MAGI2: variants seen among roughly 807,000 people sequenced by gnomAD.
MAGI2 encodes the protein membrane-associated guanylate kinase, WW and PDZ domain-containing protein 2.
Under a neutral mutation model 133.3 loss-of-function variants are expected in MAGI2, and 35 were observed. The ratio of observed to expected loss-of-function variants is 0.26; its 90% CI spans 0.20 to 0.35. The LOEUF (loss-of-function observed/expected upper bound fraction) is 0.35. Ranked by LOEUF, MAGI2 falls within the 10% of genes least tolerant of loss-of-function variation. MAGI2 has a pLI of 1.00. For synonymous variants in MAGI2, 729 were observed against 710.6 expected, an observed-to-expected ratio of 1.03 and a Z score of -0.41; for missense variants, 1,636 against 1,863.4, an observed-to-expected ratio of 0.88 and a Z score of 2.25.
intron 3 of MAGI2, among the ~76,000 whole-genome samples, chr7:78,534,355 T>C (rs1464082322): frequency 1.3e-5 from 2 of 152,246 alleles, no homozygotes; most frequent in African/African-American, 2.4e-5. Context: ...GAAATGCATG[T>C]GGTTTAACCA....
chr7:78,346,160 T>C (rs1790883543), intron 7 of MAGI2, 117 bp from the exon 8 acceptor site: 1 of 1,163,822 alleles, frequency 8.6e-7, no homozygotes, highest in African/African-American at 1.5e-5. Context: ...TACAGTCAAG[T>C]GCCTCACCCA....
rs373132866 is a variant in MAGI2, at chr7:78,440,762, G to A, written c.1045+48999C>T. 1.1e-3 allele frequency among the ~76,000 whole-genome samples: 167 copies of A among 151,626 alleles called. 4 individuals carry two copies. The South Asian group carries it at 0.034, about 31-fold the overall frequency. ...AGGTCAGGAGTTTGAGACCAGCCTG[G>A]CCAACATAGTGAAACCCCGCCTCTA... On this transcript the variant is annotated intron_variant, in intron 6 of 21. Transcript: ENST00000354212.
At chr7:78,699,254 C>T (rs184965869) in intron 2 of MAGI2, among the ~76,000 whole-genome samples, 1 of 152,258 alleles carries the variant, frequency 6.6e-6, no homozygotes, top group East Asian at 1.9e-4. Context: ...GGACTACATG[C>T]CACATGCTCA....
intron 1 of MAGI2, among the ~76,000 whole-genome samples, chr7:79,044,995 A>T (rs764205107): frequency 1.3e-5 from 2 of 152,240 alleles, no homozygotes; most frequent in African/African-American, 4.8e-5. Context: ...TGTTCTTAGC[A>T]ACCTAATTCA....
At chr7:78,725,192 G>A (rs988644522) in intron 2 of MAGI2, among the ~76,000 whole-genome samples, 67 of 152,270 alleles carry the variant, frequency 4.4e-4, no homozygotes, top group African/African-American at 1.3e-3. Flanking sequence ...TTTTTGAAGC[G>A]TTAACGCTTA....
Position 78,229,757 on chromosome 7 carries a change from C to A in MAGI2, c.2047+26186G>T, listed in dbSNP as rs576349829. On this transcript the variant is annotated intron_variant, in intron 10 of 21. Transcript: ENST00000354212. Reference sequence around the variant, plus strand: ...GGTCCTTGTGATCTATCTTACAAGACCTCCAACCCAAGTGGGAGACACCAA... The same window carrying A: ...GGTCCTTGTGATCTATCTTACAAGAACTCCAACCCAAGTGGGAGACACCAA... 3.3e-5 allele frequency among the ~76,000 whole-genome samples: 5 copies of A among 152,154 alleles called. No homozygotes were observed. In the East Asian group the frequency reaches 9.6e-4, roughly 29 times the overall value.
intron 11 of MAGI2, among the ~76,000 whole-genome samples, chr7:78,199,845 A>G (rs1022152018): frequency 2.0e-5 from 3 of 152,254 alleles, no homozygotes; most frequent in African/African-American, 7.2e-5. Flanking sequence ...CTGCAATTAT[A>G]CCAAATGACA....
chr7:78,707,444 T>G (rs574764789), intron 2 of MAGI2, among the ~76,000 whole-genome samples: 1 of 152,142 alleles, frequency 6.6e-6, no homozygotes, highest in Non-Finnish European at 1.5e-5. Flanking sequence ...CTCTAAAACA[T>G]TGCTAAGTTG....
chr7:79,225,012 C>A (rs781492561), intron 1 of MAGI2, among the ~76,000 whole-genome samples: 5 of 152,150 alleles, frequency 3.3e-5, no homozygotes, highest in African/African-American at 4.8e-5. Flanking sequence ...TATCTTATTT[C>A]ACTTTTGTCC....
At chr7:78,033,589 T>A (rs1584894866) in intron 21 of MAGI2, among the ~76,000 whole-genome samples, 1 of 152,240 alleles carries the variant, frequency 6.6e-6, no homozygotes, top group Middle Eastern at 3.4e-3. Context: ...GAACTCATGG[T>A]ACTATTTCAA....
In MAGI2 at chr7:79,194,206, A is replaced by G. The variant is rs185888647; in HGVS notation, c.302-187000T>C. Among the ~76,000 whole-genome samples, 353 of 152,092 alleles carry G rather than the reference A, an allele frequency of 2.3e-3. 3 individuals carry two copies. The highest frequency in any genetic ancestry group is 7.9e-3 in the African/African-American group (328 of 41,432). On this transcript the variant is annotated intron_variant, in intron 1 of 21. Transcript: ENST00000354212. ...TTCTGGTTTTACTGATTCATCGAAG[A>G]TTTATAAGAAAAGCTATAAAGGTAT...
At chr7:78,236,394 C>T (rs972210074) in intron 10 of MAGI2, among the ~76,000 whole-genome samples, 1 of 152,116 alleles carries the variant, frequency 6.6e-6, no homozygotes. Context: ...CATGCATCTT[C>T]CTGATTTTGT....
At chr7:78,491,644 G>C (rs73374262) in intron 5 of MAGI2, among the ~76,000 whole-genome samples, 1 of 152,104 alleles carries the variant, frequency 6.6e-6, no homozygotes, top group African/African-American at 2.4e-5. Flanking sequence ...TCATTATCAA[G>C]TTTTAGAAGG....
intron 1 of MAGI2, among the ~76,000 whole-genome samples, chr7:79,180,339 G>T (rs752631373): frequency 6.6e-6 from 1 of 152,036 alleles, no homozygotes; most frequent in Non-Finnish European, 1.5e-5. Context: ...AAAAGAAAGA[G>T]ATTTATTGGA....
intron 1 of MAGI2, among the ~76,000 whole-genome samples, chr7:79,137,386 C>A (rs895392712): frequency 6.6e-6 from 1 of 151,804 alleles, no homozygotes; most frequent in Non-Finnish European, 1.5e-5. Flanking sequence ...ATTCCACACC[C>A]TGGACTACCA....
intron 4 of MAGI2, among the ~76,000 whole-genome samples, chr7:78,517,318 T>G (rs1300357713): frequency 6.6e-6 from 1 of 152,090 alleles, no homozygotes; most frequent in Non-Finnish European, 1.5e-5. Context: ...TGGAATACAA[T>G]GTAGACTAAA....
intron 1 of MAGI2, among the ~76,000 whole-genome samples, chr7:79,041,530 G>T (rs1196278002): frequency 1.3e-5 from 2 of 152,050 alleles, no homozygotes; most frequent in African/African-American, 4.8e-5. Flanking sequence ...AGTTCATGTT[G>T]TTTTAGGAAA....
chr7:78,530,553 A>T (rs144802126), intron 3 of MAGI2, among the ~76,000 whole-genome samples: 1,661 of 152,224 alleles, frequency 0.011, 16 homozygotes, highest in Admixed American at 0.018. Context: ...AGACAGAGGG[A>T]TTGTTGACTC....
intron 16 of MAGI2, among the ~76,000 whole-genome samples, chr7:78,137,814 C>CA (rs1366642451): frequency 6.6e-6 from 1 of 152,148 alleles, no homozygotes; most frequent in African/African-American, 2.4e-5. Flanking sequence ...TAATCACCCA[C>CA]ATTGAGCCCT....
Sources: gnomAD v4.1 joint callset for allele counts (sites outside exome capture counted in the v4.1 genomes callset) on GRCh38, gnomAD v4.1.1 for gene constraint, MANE v1.5 for transcripts, NCBI Gene and HGNC (gene_info 2026-07-23, HGNC 2026-07-21) for gene names.